ELAPOR2: variants seen among roughly 807,000 people sequenced by gnomAD.
ELAPOR2 encodes the protein endosome/lysosome-associated apoptosis and autophagy regulator family member 2.
Under a neutral mutation model 120.7 loss-of-function variants are expected in ELAPOR2, and 89 were observed. That is an observed-to-expected ratio of 0.74 (90% CI 0.62 to 0.88). The LOEUF is 0.88. Among genes scored for constraint, ELAPOR2 ranks in the 40% least tolerant of loss-of-function variants. The probability of loss-of-function intolerance (pLI) is 0.00; values close to 1 mark genes in which losing one functional copy is unlikely to be tolerated. For synonymous variants in ELAPOR2, 444 were observed against 444.9 expected, an observed-to-expected ratio of 1.00 and a Z score of 0.03; for missense variants, 1,134 against 1,251.6, an observed-to-expected ratio of 0.91 and a Z score of 1.42.
At chr7:86,961,523 T>G (rs910663173) in intron 2 of ELAPOR2, among the ~76,000 whole-genome samples, 2 of 152,174 alleles carry the variant, frequency 1.3e-5, no homozygotes, top group Non-Finnish European at 2.9e-5. Context: ...TTTCTAAGGT[T>G]TGGTTTGAAG....
At chr7:86,993,111 C>T (rs1018825163) in intron 1 of ELAPOR2, among the ~76,000 whole-genome samples, 2 of 151,608 alleles carry the variant, frequency 1.3e-5, no homozygotes, top group Non-Finnish European at 2.9e-5. Context: ...TGGCGCGCAC[C>T]TGCGGTTCCA....
In ELAPOR2 at chr7:86,891,639, C is replaced by T. The variant is rs545029319; in HGVS notation, c.3030+85G>A. On this transcript the variant is annotated intron_variant, in intron 21 of 21. Coordinates refer to ENST00000450689, the MANE Select transcript of ELAPOR2 (RefSeq NM_001142749.3). ...ACTGAGATATAAACATGCAAAATAA[C>T]AGCTTGCGTGAATGCTATTATTAGG... is the stretch of plus-strand genomic sequence containing the variant. 14 of 1,118,748 alleles carry T rather than the reference C, an allele frequency of 1.3e-5. No homozygotes were observed. The South Asian group carries it at 2.3e-4, about 19-fold the overall frequency. The allele number at this position is 1,118,748 out of a possible 1,614,324, so 69.3% of individuals were successfully genotyped here. A position where few individuals can be genotyped will look rare whatever the true frequency, so the allele number is the denominator to read the frequency against.
intron 18 of ELAPOR2, among the ~76,000 whole-genome samples, chr7:86,906,281 T>C (rs1789010632): frequency 6.6e-6 from 1 of 152,136 alleles, no homozygotes; most frequent in African/African-American, 2.4e-5. Context: ...GTTGCCTTGG[T>C]TCTAGCTTGG....
chr7:86,957,937 T>C (rs141995086), intron 2 of ELAPOR2, among the ~76,000 whole-genome samples: 1 of 152,300 alleles, frequency 6.6e-6, no homozygotes, highest in African/African-American at 2.4e-5. Context: ...ATTAATCAAT[T>C]AAAAATGACC....
intron 18 of ELAPOR2, among the ~76,000 whole-genome samples, chr7:86,899,598 A>C (rs2115925768): frequency 6.6e-6 from 1 of 152,300 alleles, no homozygotes; most frequent in South Asian, 2.1e-4. Context: ...TAGTTAACTA[A>C]ATATATTCTA....
chr7:87,014,990 G>T (rs1275530019), intron 1 of ELAPOR2, among the ~76,000 whole-genome samples: 1 of 151,124 alleles, frequency 6.6e-6, no homozygotes, highest in Non-Finnish European at 1.5e-5. Context: ...TTTCATACCA[G>T]TAAAGCTGGT....
chr7:86,891,097 A>G (rs1178404705), intron 21 of ELAPOR2: 1 of 152,080 alleles, frequency 6.6e-6, no homozygotes, highest in Non-Finnish European at 1.5e-5. Context: ...TCCAAAATCC[A>G]AAGCCAGCAA....
intron 1 of ELAPOR2, among the ~76,000 whole-genome samples, chr7:87,016,728 G>A (rs1793880108): frequency 6.6e-6 from 1 of 150,776 alleles, no homozygotes. Context: ...CTCTATACCT[G>A]TAATCTCGCC....
At position 87,059,517 on chromosome 7, in the gene ELAPOR2, C is replaced by A; in HGVS notation, c.-4G>T. On this transcript the variant is annotated 5_prime_UTR_variant, in exon 1 of 22. Coordinates refer to ENST00000450689, the MANE Select transcript of ELAPOR2 (RefSeq NM_001142749.3). ...GCCCCCGGGCGCGGAACAGCATCTT[C>A]GTCCGGCCGCGGTCGGCGGGCCGGC... 2 of 1,191,090 alleles carry A rather than the reference C, an allele frequency of 1.7e-6. No individual in the cohort carries two copies. Among genetic ancestry groups the A allele is most frequent in the Non-Finnish European group, 2.1e-6 (2 of 961,540 alleles). 73.8% of individuals were successfully genotyped at this position (1,191,090 alleles called of 1,614,324 possible). A position where few individuals can be genotyped will look rare whatever the true frequency, so the allele number is the denominator to read the frequency against.
At chr7:87,059,220 A>T (rs2129019638) in intron 1 of ELAPOR2, 105 bp downstream of exon 1, 1 of 1,226,608 alleles carries the variant, frequency 8.2e-7, no homozygotes, top group Admixed American at 4.3e-5. Context: ...TCTCCAAGCA[A>T]AGGAAAAGGG....
intron 7 of ELAPOR2, 96 bp from the exon 8 acceptor site, chr7:86,938,310 C>A (rs1790650176): frequency 3.4e-6 from 3 of 885,052 alleles, no homozygotes; most frequent in Non-Finnish European, 5.4e-6. Flanking sequence ...CTAAAAAGTA[C>A]AAATAAACTT....
intron 2 of ELAPOR2, among the ~76,000 whole-genome samples, chr7:86,961,712 T>C (rs888238147): frequency 1.3e-5 from 2 of 152,184 alleles, no homozygotes; most frequent in Admixed American, 6.5e-5. Context: ...AAGATATGGA[T>C]TGGAACAGGG....
intron 2 of ELAPOR2, among the ~76,000 whole-genome samples, chr7:86,953,106 A>C (rs1294120448): frequency 2.6e-5 from 4 of 152,032 alleles, no homozygotes; most frequent in Admixed American, 2.6e-4. Context: ...AAAAAAAAAA[A>C]AAAAACCCAC....
intron 2 of ELAPOR2, among the ~76,000 whole-genome samples, chr7:86,963,605 CA>C (rs1297822933): frequency 6.6e-6 from 1 of 151,880 alleles, no homozygotes; most frequent in Non-Finnish European, 1.5e-5. Flanking sequence ...ACAAGAAAAC[CA>C]AGGAATTAGC....
intron 7 of ELAPOR2, 62 bp downstream of exon 7, chr7:86,938,746 T>C (rs1216810614): frequency 1.3e-6 from 2 of 1,571,778 alleles, no homozygotes; most frequent in Admixed American, 1.7e-5. Context: ...TTCTGGTTTA[T>C]AAATGTACAC....
intron 1 of ELAPOR2, among the ~76,000 whole-genome samples, chr7:86,982,876 T>C (rs929524393): frequency 4.2e-4 from 63 of 151,092 alleles, no homozygotes; most frequent in African/African-American, 1.5e-3. Flanking sequence ...AGGTCAGTAA[T>C]ACCAAACTTC....
intron 18 of ELAPOR2, among the ~76,000 whole-genome samples, chr7:86,902,666 A>G (rs1788778994): frequency 6.6e-6 from 1 of 152,138 alleles, no homozygotes; most frequent in South Asian, 2.1e-4. Flanking sequence ...AAAACCTCCA[A>G]TCAGACTGGC....
At position 86,945,018 on chromosome 7, in the gene ELAPOR2, T is replaced by C. The variant is rs1419204845; in HGVS notation, c.535A>G (p.Ile179Val). The C allele has an allele frequency of 1.9e-6, 3 of 1,550,130 alleles. No homozygotes were observed. In the African/African-American group the frequency reaches 4.1e-5, roughly 21 times the overall value. The change falls in exon 4 of 22, where the codon ATA (isoleucine) becomes GTA (valine). Residue 179 changes from isoleucine (I) to valine (V), a missense_variant. By Grantham distance (29) the Ile-to-Val change is conservative. Around this residue, in one of 3 missense-constraint regions of ELAPOR2, gnomAD observed 280 missense variants for 331.5 expected, o/e 0.84. Transcript: ENST00000450689. ...GTGCAGTCATCACGATTAGATTCTATGTAGTTTCCACGAGGGATCCAAGAA... is the reference window on the plus strand; with the variant it reads ...GTGCAGTCATCACGATTAGATTCTACGTAGTTTCCACGAGGGATCCAAGAA... Reference protein sequence around the residue: ...NSSWIPRGNYIESNRDDCTVS... With the variant: ...NSSWIPRGNYVESNRDDCTVS...
chr7:86,927,606 C>T (rs1000443979), intron 8 of ELAPOR2, among the ~76,000 whole-genome samples: 1 of 151,790 alleles, frequency 6.6e-6, no homozygotes, highest in African/African-American at 2.4e-5. Context: ...ATTCATTCAC[C>T]CCCACACAAA....
Sources: allele counts gnomAD v4.1 joint callset (sites outside exome capture counted in the v4.1 genomes callset), GRCh38; gene constraint gnomAD v4.1.1; regional missense constraint gnomAD v4.1.1; transcripts MANE v1.5; gene names NCBI Gene and HGNC (gene_info 2026-07-23, HGNC 2026-07-21).